The following PPP1R21 variants were observed in gnomAD, a reference collection of about 807,000 sequenced individuals.
PPP1R21 encodes the protein protein phosphatase 1 regulatory subunit 21.
A neutral mutation model predicts 112.8 loss-of-function variants in PPP1R21; 85 were observed. That is an observed-to-expected ratio of 0.75 (90% CI 0.63 to 0.90). The LOEUF (loss-of-function observed/expected upper bound fraction) is 0.90, where lower values mean the gene tolerates loss of function less well. PPP1R21 is among the 40% of genes least tolerant of loss of function. PPP1R21 has a pLI of 0.00. For missense variants in PPP1R21, 1,199 were observed against 901.5 expected, an observed-to-expected ratio of 1.33 and a Z score of -4.23; for synonymous variants, 381 against 322.3, an observed-to-expected ratio of 1.18 and a Z score of -1.95.
intron 9 of PPP1R21, among the ~76,000 whole-genome samples, chr2:48,468,180 T>C (rs2103832087): frequency 6.6e-6 from 1 of 152,322 alleles, no homozygotes; most frequent in South Asian, 2.1e-4. Flanking sequence ...ATAGAATACC[T>C]ACCTCACAGG....
intron 17 of PPP1R21, among the ~76,000 whole-genome samples, chr2:48,499,536 G>C (rs1670004067): frequency 6.6e-6 from 1 of 152,182 alleles, no homozygotes; most frequent in African/African-American, 2.4e-5. Context: ...CAGCTGGGCA[G>C]CATAGTGAGA....
At chr2:48,451,646 G>A (rs2103759817) in intron 2 of PPP1R21, among the ~76,000 whole-genome samples, 1 of 152,348 alleles carries the variant, frequency 6.6e-6, no homozygotes, top group East Asian at 1.9e-4. Flanking sequence ...CTCATTTCTA[G>A]TAGGCATGTA....
At chr2:48,490,760 T>G (rs865976807) in intron 14 of PPP1R21, among the ~76,000 whole-genome samples, 9 of 152,308 alleles carry the variant, frequency 5.9e-5, no homozygotes, top group South Asian at 4.1e-4. Context: ...AGTCTTGGTT[T>G]TCAGGAAGAA....
intron 2 of PPP1R21, among the ~76,000 whole-genome samples, chr2:48,451,726 G>A (rs760029274): frequency 1.3e-5 from 2 of 152,158 alleles, no homozygotes; most frequent in Non-Finnish European, 2.9e-5. Flanking sequence ...TCTTGGCCAA[G>A]TTTCAGTTAA....
chr2:48,458,337 C>G, intron 4 of PPP1R21, 110 bp downstream of exon 4: 1 of 617,394 alleles, frequency 1.6e-6, no homozygotes, highest in Non-Finnish European at 3.0e-6. Flanking sequence ...ATTTTAATGT[C>G]TTCTATGGTC....
intron 14 of PPP1R21, among the ~76,000 whole-genome samples, chr2:48,487,647 G>C (rs1302174508): frequency 6.6e-6 from 1 of 151,738 alleles, no homozygotes; most frequent in Non-Finnish European, 1.5e-5. Context: ...TGTGGTCCCA[G>C]CTACTTGGGT....
intron 12 of PPP1R21, among the ~76,000 whole-genome samples, chr2:48,477,409 C>T (rs1668807279): frequency 6.6e-6 from 1 of 152,178 alleles, no homozygotes; most frequent in South Asian, 2.1e-4. Context: ...GCATAAGCCA[C>T]CACACCCAAC....
At chr2:48,467,701 A>G (rs187648388) in intron 9 of PPP1R21, among the ~76,000 whole-genome samples, 54 of 152,342 alleles carry the variant, frequency 3.5e-4, no homozygotes, top group African/African-American at 1.3e-3. Flanking sequence ...GACATAGCCT[A>G]GGTAGTCACG....
intron 9 of PPP1R21, among the ~76,000 whole-genome samples, chr2:48,468,826 T>C (rs559232339): frequency 0.02 from 1,779 of 90,602 alleles, 36 homozygotes; most frequent in African/African-American, 0.073. Context: ...AGAAAAAAAA[T>C]GTATGTGTGT....
At chr2:48,475,915 A>G (rs1668733133) in intron 12 of PPP1R21, among the ~76,000 whole-genome samples, 1 of 152,128 alleles carries the variant, frequency 6.6e-6, no homozygotes, top group East Asian at 1.9e-4. Context: ...GAATGCCATA[A>G]TTTTTCTGGT....
intron 19 of PPP1R21, among the ~76,000 whole-genome samples, chr2:48,509,125 C>T (rs1473868778): frequency 1.3e-5 from 2 of 152,170 alleles, no homozygotes; most frequent in Non-Finnish European, 2.9e-5. Flanking sequence ...TTTTGATCTA[C>T]ACACTCTCTG....
At chr2:48,474,975 A>G (rs1365060949) in intron 12 of PPP1R21, among the ~76,000 whole-genome samples, 156 bp downstream of exon 12, 1 of 152,198 alleles carries the variant, frequency 6.6e-6, no homozygotes, top group Non-Finnish European at 1.5e-5. Context: ...TACATTTATG[A>G]CCTTGGGCAA....
chr2:48,486,261 A>G (rs1027460689), intron 13 of PPP1R21, among the ~76,000 whole-genome samples: 6 of 152,146 alleles, frequency 3.9e-5, no homozygotes, highest in Non-Finnish European at 2.9e-5. Context: ...GTTTATATAA[A>G]TACAAGATAA....
At chr2:48,487,245 C>T (rs1160720719) in intron 14 of PPP1R21, among the ~76,000 whole-genome samples, 2 of 152,116 alleles carry the variant, frequency 1.3e-5, no homozygotes, top group South Asian at 2.1e-4. Context: ...CCACAATATA[C>T]GTTCCATTAA....
At chr2:48,444,154 A>G (rs1326308929) in intron 1 of PPP1R21, among the ~76,000 whole-genome samples, 1 of 152,224 alleles carries the variant, frequency 6.6e-6, no homozygotes, top group African/African-American at 2.4e-5. Context: ...TGCTGAGGCA[A>G]ACAGATTGCT....
At chr2:48,498,872 C>G in intron 17 of PPP1R21, 137 bp downstream of exon 17, 1 of 909,206 alleles carries the variant, frequency 1.1e-6, no homozygotes, top group Non-Finnish European at 1.7e-6. Flanking sequence ...TCTTGTAAAT[C>G]ACAGAAATTT....
At chr2:48,476,089 T>A (rs1668741410) in intron 12 of PPP1R21, among the ~76,000 whole-genome samples, 1 of 152,160 alleles carries the variant, frequency 6.6e-6, no homozygotes, top group Non-Finnish European at 1.5e-5. Context: ...CCCTGTGTAT[T>A]TTAGCTATTG....
intron 12 of PPP1R21, 127 bp downstream of exon 12, chr2:48,474,946 C>T: frequency 1.3e-6 from 1 of 757,498 alleles, no homozygotes. Flanking sequence ...AACTTGAATT[C>T]AAATTCTCTA....
In PPP1R21 at chr2:48,459,861, C is replaced by G; in HGVS notation, c.483C>G (p.Leu161=). The change falls in exon 5 of 22, where the codon CTC becomes CTG. Residue 161 remains leucine (L), a synonymous_variant. Transcript: ENST00000294952. ...AGCACCAAGCTGTGGTTGACGGTCT[C>G]ACCCGGAAGTACATGGAAACCATTG... ...AAQHQAVVDG[L]TRKYMETIEK... 1 of 1,614,210 alleles carries G rather than the reference C, an allele frequency of 6.2e-7. No homozygotes were observed. The highest frequency in any genetic ancestry group is 8.5e-7 in the Non-Finnish European group (1 of 1,180,046).
Sources: allele counts gnomAD v4.1 joint callset (sites outside exome capture counted in the v4.1 genomes callset), GRCh38; gene constraint gnomAD v4.1.1; transcripts MANE v1.5; gene names NCBI Gene and HGNC (gene_info 2026-07-23, HGNC 2026-07-21).